Variants in PRKG1 observed in about 807,000 individuals in gnomAD.
PRKG1 encodes protein kinase cGMP-dependent 1.
PRKG1 carries 35 observed loss-of-function variants against 88.1 expected under a neutral mutation model. The observed-to-expected ratio is 0.40, with a 90% CI of 0.30 to 0.53. PRKG1 has a LOEUF of 0.53. Ranked by LOEUF, PRKG1 falls within the 20% of genes least tolerant of loss-of-function variation. PRKG1 has a pLI of 0.59. For missense variants in PRKG1, 540 were observed against 839.8 expected (o/e 0.64, Z 4.41); for synonymous variants, 303 against 292.5 (o/e 1.04, Z -0.37).
intron 9 of PRKG1, among the ~76,000 whole-genome samples, chr10:52,206,967 C>A (rs892516629): frequency 1.3e-5 from 2 of 152,208 alleles, no homozygotes; most frequent in Admixed American, 1.3e-4. Context: ...TGGTAAAAGT[C>A]GGTTGGCAGT....
At chr10:51,955,528 T>G (rs1397566506) in intron 5 of PRKG1, among the ~76,000 whole-genome samples, 1 of 152,170 alleles carries the variant, frequency 6.6e-6, no homozygotes, top group Non-Finnish European at 1.5e-5. Context: ...TTTGTAAGCT[T>G]CAGCATATTA....
At chr10:51,093,797 T>C (rs542848360) in intron 1 of PRKG1, among the ~76,000 whole-genome samples, 2 of 117,586 alleles carry the variant, frequency 1.7e-5, no homozygotes, top group African/African-American at 4.4e-5. Flanking sequence ...TTTATATATA[T>C]ATATACACAC....
intron 3 of PRKG1, among the ~76,000 whole-genome samples, chr10:51,642,381 C>A (rs910949972): frequency 6.6e-6 from 1 of 152,106 alleles, no homozygotes; most frequent in Non-Finnish European, 1.5e-5. Flanking sequence ...CAGAGCAAGG[C>A]TCCGTCTCAA....
intron 3 of PRKG1, among the ~76,000 whole-genome samples, chr10:51,686,171 CA>C (rs1176482917): frequency 6.6e-6 from 1 of 151,070 alleles, no homozygotes; most frequent in African/African-American, 2.5e-5. Flanking sequence ...CTTTTAGGTT[CA>C]GGGGTCCATG....
chr10:51,751,775 T>C (rs958659578), intron 3 of PRKG1, among the ~76,000 whole-genome samples: 12 of 152,144 alleles, frequency 7.9e-5, no homozygotes, highest in African/African-American at 2.9e-4. Flanking sequence ...GTCCTTGAAC[T>C]CCATGTGTTT....
chr10:51,651,494 A>C (rs1840037699), intron 3 of PRKG1, among the ~76,000 whole-genome samples: 3 of 151,932 alleles, frequency 2.0e-5, no homozygotes, highest in Non-Finnish European at 4.4e-5. Flanking sequence ...ACTCCCCTAG[A>C]AGAGTGATTT....
At chr10:51,392,756 G>A (rs1320861454) in intron 2 of PRKG1, among the ~76,000 whole-genome samples, 1 of 142,934 alleles carries the variant, frequency 7.0e-6, no homozygotes, top group Non-Finnish European at 1.6e-5. Flanking sequence ...TGGCCGGGCG[G>A]GGGGCTGACC....
chr10:51,309,962 T>A (rs1298991768), intron 2 of PRKG1, among the ~76,000 whole-genome samples: 1 of 152,168 alleles, frequency 6.6e-6, no homozygotes, highest in Non-Finnish European at 1.5e-5. Context: ...TGGATGGAAC[T>A]GGAGGTCATT....
intron 4 of PRKG1, among the ~76,000 whole-genome samples, chr10:51,837,424 C>T (rs1205005969): frequency 6.6e-6 from 1 of 152,026 alleles, no homozygotes; most frequent in Non-Finnish European, 1.5e-5. Flanking sequence ...AAACTGTTTA[C>T]CTTTCTGGTT....
intron 9 of PRKG1, among the ~76,000 whole-genome samples, chr10:52,166,023 A>G (rs1444955108): frequency 6.6e-6 from 1 of 152,182 alleles, no homozygotes; most frequent in African/African-American, 2.4e-5. Flanking sequence ...AATTTTGCCT[A>G]TATGGCATGC....
At chr10:51,892,868 G>A (rs1312832605) in intron 4 of PRKG1, among the ~76,000 whole-genome samples, 1 of 152,056 alleles carries the variant, frequency 6.6e-6, no homozygotes, top group Non-Finnish European at 1.5e-5. Flanking sequence ...AGAAAATTGG[G>A]GATAAACCTT....
At chr10:51,018,095 T>G (rs1843092132) in intron 1 of PRKG1, among the ~76,000 whole-genome samples, 1 of 152,186 alleles carries the variant, frequency 6.6e-6, no homozygotes, top group South Asian at 2.1e-4. Context: ...GGGTTGGGAT[T>G]ACAGGCATGA....
At chr10:51,542,726 A>G (rs906904293) in intron 3 of PRKG1, among the ~76,000 whole-genome samples, 2 of 152,082 alleles carry the variant, frequency 1.3e-5, no homozygotes, top group African/African-American at 4.8e-5. Flanking sequence ...TTTGTGTCCT[A>G]TAATTTTTCT....
At chr10:52,030,221 C>A (rs1328030648) in intron 5 of PRKG1, among the ~76,000 whole-genome samples, 1 of 152,154 alleles carries the variant, frequency 6.6e-6, no homozygotes, top group African/African-American at 2.4e-5. Flanking sequence ...GCATACCATG[C>A]TACTTCAGGC....
intron 2 of PRKG1, among the ~76,000 whole-genome samples, chr10:51,452,856 A>G (rs1487195610): frequency 1.3e-5 from 2 of 152,002 alleles, no homozygotes; most frequent in Non-Finnish European, 2.9e-5. Context: ...TAATAGTTTC[A>G]GTAAGATTTG....
chr10:51,200,764 C>CATTG (rs552740075), intron 2 of PRKG1, among the ~76,000 whole-genome samples: 38 of 152,232 alleles, frequency 2.5e-4, no homozygotes, highest in Non-Finnish European at 5.3e-4. Flanking sequence ...TTATCTCAAA[C>CATTG]ATTGATTTAA....
chr10:51,085,749 G>A (rs1254719910), intron 1 of PRKG1, among the ~76,000 whole-genome samples: 1 of 151,952 alleles, frequency 6.6e-6, no homozygotes, highest in Non-Finnish European at 1.5e-5. Context: ...CAAAATGAAA[G>A]AATTGCTCGA....
At position 51,156,314 on chromosome 10, in the gene PRKG1, A is replaced by ACACAC. The variant is rs60689292; in HGVS notation, c.478+2984_478+2985insCACAC. 1.1e-3 allele frequency among the ~76,000 whole-genome samples: 169 copies of ACACAC among 147,136 alleles called. 1 individual carries two copies. The highest frequency in any genetic ancestry group is 7.1e-3 in the Middle Eastern group (2 of 280). On this transcript the variant is annotated intron_variant, in intron 2 of 17. Coordinates refer to ENST00000373980, the MANE Select transcript of PRKG1 (RefSeq NM_006258.4). ...TGATGCAAGCACACACACACACACAAACACACACACCCGAATGTAACAAAA... is the reference window on the plus strand; with the variant it reads ...TGATGCAAGCACACACACACACACAACACACACACACACACCCGAATGTAACAAAA...
At chr10:51,008,752 T>C (rs1193540930) in intron 1 of PRKG1, among the ~76,000 whole-genome samples, 4 of 152,188 alleles carry the variant, frequency 2.6e-5, no homozygotes, top group Non-Finnish European at 5.9e-5. Context: ...AAGCCCAAGA[T>C]ATGGAGCTGT....
Sources: allele counts gnomAD v4.1 joint callset (sites outside exome capture counted in the v4.1 genomes callset), GRCh38; gene constraint gnomAD v4.1.1; transcripts MANE v1.5; gene names NCBI Gene and HGNC (gene_info 2026-07-23, HGNC 2026-07-21).